The following SVEP1 variants were observed in gnomAD, a reference collection of about 807,000 sequenced individuals.
SVEP1 encodes the protein sushi, von Willebrand factor type A, EGF and pentraxin domain-containing protein 1.
In SVEP1, 164 loss-of-function variants were observed where a neutral mutation model predicts 367.3. The observed-to-expected ratio is 0.45, with a 90% CI of 0.39 to 0.51. The LOEUF (loss-of-function observed/expected upper bound fraction) is 0.51. Among genes scored for constraint, SVEP1 ranks in the 20% least tolerant of loss-of-function variants. SVEP1 has a pLI of 0.00. For missense variants in SVEP1, 4,117 were observed against 4,425.3 expected, an observed-to-expected ratio of 0.93 and a Z score of 1.98; for synonymous variants, 1,666 against 1,611.6, an observed-to-expected ratio of 1.03 and a Z score of -0.81.
At chr9:110,564,284 T>C (rs1830463779) in intron 1 of SVEP1, among the ~76,000 whole-genome samples, 1 of 152,024 alleles carries the variant, frequency 6.6e-6, no homozygotes, top group Non-Finnish European at 1.5e-5. Flanking sequence ...AGAAGAAAAA[T>C]GTGATTTATG....
chr9:110,443,846 A>T, intron 26 of SVEP1, 126 bp from the exon 27 acceptor site: 3 of 753,640 alleles, frequency 4.0e-6, no homozygotes, highest in South Asian at 8.3e-5. Context: ...TAAATCCATT[A>T]CTCTTTTTTT....
At chr9:110,563,717 G>C (rs1028975941) in intron 1 of SVEP1, among the ~76,000 whole-genome samples, 1 of 152,146 alleles carries the variant, frequency 6.6e-6, no homozygotes, top group African/African-American at 2.4e-5. Flanking sequence ...CCAGGAACAA[G>C]CAAGCCAGTA....
chr9:110,558,143 G>A (rs1830377376), intron 1 of SVEP1, among the ~76,000 whole-genome samples: 1 of 152,006 alleles, frequency 6.6e-6, no homozygotes, highest in African/African-American at 2.4e-5. Context: ...AAAATATTCT[G>A]TAAATCCAAG....
intron 2 of SVEP1, among the ~76,000 whole-genome samples, chr9:110,546,575 C>T (rs1272787290): frequency 6.6e-6 from 1 of 152,108 alleles, no homozygotes; most frequent in Non-Finnish European, 1.5e-5. Flanking sequence ...GAGGAATCTC[C>T]AGATGCTGCA....
chr9:110,409,913 C>A (rs1828020623), intron 37 of SVEP1, among the ~76,000 whole-genome samples: 1 of 139,508 alleles, frequency 7.2e-6, no homozygotes, highest in Non-Finnish European at 1.6e-5. Context: ...CATGTAAGCA[C>A]CATGCCATTA....
At position 110,496,821 on chromosome 9, in the gene SVEP1, A is replaced by T. The variant is rs769601250; in HGVS notation, c.1794T>A (p.Gly598=). The change falls in exon 8 of 48, where the codon GGT becomes GGA. Residue 598 remains glycine (G), a synonymous_variant. Transcript: ENST00000374469. ...ATAATTGCACAAACCTTACCTTTTC[A>T]CCAGAGTTGTCTTTAGCTGTTGGAA... The part of the protein sequence containing the change: ...WQIPTAKDNS[G]EKVSVHVHPA... The T allele has an allele frequency of 6.4e-7, 1 of 1,553,690 alleles. No individual in the cohort carries two copies. The highest frequency in any genetic ancestry group is 8.7e-7 in the Non-Finnish European group (1 of 1,147,170).
At chr9:110,516,837 A>C (rs1829810451) in intron 3 of SVEP1, among the ~76,000 whole-genome samples, 2 of 152,206 alleles carry the variant, frequency 1.3e-5, no homozygotes, top group African/African-American at 4.8e-5. Flanking sequence ...AATGGTTATG[A>C]TATTAATGCA....
At chr9:110,454,461 A>G (rs1459669967) in intron 22 of SVEP1, among the ~76,000 whole-genome samples, 1 of 152,232 alleles carries the variant, frequency 6.6e-6, no homozygotes, top group East Asian at 1.9e-4. Flanking sequence ...TACTGGGTAT[A>G]CATCCAAAGG....
intron 3 of SVEP1, among the ~76,000 whole-genome samples, chr9:110,519,441 C>T (rs1034098065): frequency 6.6e-6 from 1 of 152,168 alleles, no homozygotes; most frequent in Non-Finnish European, 1.5e-5. Context: ...CAGCATCCTT[C>T]AAGACTCTAA....
At chr9:110,457,971 T>C (rs34728973) in intron 20 of SVEP1, 16,703 of 335,522 alleles carry the variant, frequency 0.05, 502 homozygotes, top group Non-Finnish European at 0.062. Context: ...ACTTAACAAC[T>C]AGTCTTGTAA....
intron 1 of SVEP1, among the ~76,000 whole-genome samples, chr9:110,553,860 A>C (rs1039879721): frequency 2.4e-4 from 36 of 152,166 alleles, no homozygotes; most frequent in Admixed American, 2.0e-4. Flanking sequence ...CCTTGGAATC[A>C]TCCTTATCTC....
intron 1 of SVEP1, among the ~76,000 whole-genome samples, chr9:110,554,723 T>TGTGC (rs1257567612): frequency 1.9e-5 from 2 of 105,828 alleles, no homozygotes; most frequent in African/African-American, 8.0e-5. Context: ...TATGTATAGA[T>TGTGC]GTGCGTGTGT....
chr9:110,415,107 G>T (rs997272913), intron 36 of SVEP1, among the ~76,000 whole-genome samples: 3 of 152,004 alleles, frequency 2.0e-5, no homozygotes, highest in African/African-American at 7.3e-5. Context: ...GTTTAAAAAA[G>T]ATAAATGTTT....
intron 8 of SVEP1, among the ~76,000 whole-genome samples, chr9:110,490,788 A>G (rs966784597): frequency 6.6e-6 from 1 of 152,068 alleles, no homozygotes; most frequent in African/African-American, 2.4e-5. Context: ...ATCTGGCACC[A>G]GGTCATTGTT....
At chr9:110,428,654 T>C (rs544267922) in intron 35 of SVEP1, among the ~76,000 whole-genome samples, 21 of 152,332 alleles carry the variant, frequency 1.4e-4, no homozygotes, top group African/African-American at 5.1e-4. Flanking sequence ...CATAGTTAGA[T>C]AGAATATTTT....
rs374145632 is a variant in SVEP1, at chr9:110,488,686, C to G, written c.1930+964G>C. ...AGATCAGTCTGGGAACACAGTGAGA[C>G]CTTGTCTCTACAAAAAAATTAAAAA... On this transcript the variant is annotated intron_variant, in intron 9 of 47. Transcript: ENST00000374469. 1.3e-4 allele frequency among the ~76,000 whole-genome samples: 20 copies of G among 151,210 alleles called. No individual in the cohort carries two copies. In the East Asian group the frequency reaches 3.3e-3, roughly 25 times the overall value.
chr9:110,403,295 C>CAT (rs1827891614), intron 39 of SVEP1, among the ~76,000 whole-genome samples: 1 of 36,890 alleles, frequency 2.7e-5, no homozygotes, highest in Non-Finnish European at 4.4e-5. Flanking sequence ...CCGCCACCGC[C>CAT]GTTTTTTTTT....
rs566547413 is a variant in SVEP1, at chr9:110,507,627, G to A, written c.1304-4410C>T. Among the ~76,000 whole-genome samples the A allele has an allele frequency of 2.0e-5, 3 of 152,264 alleles. No individual in the cohort carries two copies. The South Asian group carries it at 6.2e-4, about 32-fold the overall frequency. On this transcript the variant is annotated intron_variant, in intron 5 of 47. Transcript: ENST00000374469. ...AATGATCCGAAACATTTTGCCTTCC[G>A]TGTTTTAATTTTTCCTGAATGTGCC...
chr9:110,425,632 A>C (rs531733646), intron 36 of SVEP1, among the ~76,000 whole-genome samples: 6 of 152,336 alleles, frequency 3.9e-5, no homozygotes, highest in African/African-American at 1.2e-4. Flanking sequence ...AAATGAATAG[A>C]TTTTTTAATC....
Sources: allele counts gnomAD v4.1 joint callset (sites outside exome capture counted in the v4.1 genomes callset), GRCh38; gene constraint gnomAD v4.1.1; transcripts MANE v1.5; gene names NCBI Gene and HGNC (gene_info 2026-07-23, HGNC 2026-07-21).